Variants in SAMSN1 observed in about 807,000 individuals in gnomAD.
The protein encoded by SAMSN1 is SAM domain-containing protein SAMSN-1.
In SAMSN1, 31 loss-of-function variants were observed where a neutral mutation model predicts 42.0. The ratio of observed to expected loss-of-function variants is 0.74; its 90% CI spans 0.55 to 1.00. The LOEUF (loss-of-function observed/expected upper bound fraction) is 1.00. Ranked by LOEUF, SAMSN1 falls within the 50% of genes least tolerant of loss-of-function variation. The pLI, the probability that SAMSN1 is intolerant of heterozygous loss-of-function variation, is 0.00. For synonymous variants in SAMSN1, 178 were observed against 151.9 expected (o/e 1.17, Z -1.26); for missense variants, 464 against 439.4 (o/e 1.06, Z -0.50).
At chr21:14,539,751 T>A (rs370555585) in intron 1 of SAMSN1, among the ~76,000 whole-genome samples, 1 of 152,162 alleles carries the variant, frequency 6.6e-6, no homozygotes. Flanking sequence ...GCCATACCCA[T>A]CAAGCTACCA....
At chr21:14,565,339 A>G (rs1981083219) in intron 2 of SAMSN1, among the ~76,000 whole-genome samples, 1 of 151,664 alleles carries the variant, frequency 6.6e-6, no homozygotes, top group Non-Finnish European at 1.5e-5. Flanking sequence ...GAAGGCCTCC[A>G]AGACGCAGGG....
chr21:14,486,393 T>C (rs1412172199), intron 7 of SAMSN1, among the ~76,000 whole-genome samples: 2 of 152,174 alleles, frequency 1.3e-5, no homozygotes, highest in Admixed American at 1.3e-4. Flanking sequence ...CAAAGATCAA[T>C]ATGGACTCTC....
At chr21:14,556,242 G>A (rs551183237) in intron 2 of SAMSN1, among the ~76,000 whole-genome samples, 1 of 152,246 alleles carries the variant, frequency 6.6e-6, no homozygotes, top group East Asian at 1.9e-4. Context: ...TAAAGCTATA[G>A]GAGAGGGTAA....
chr21:14,632,290 A>G (rs1305295768), intron 2 of SAMSN1, among the ~76,000 whole-genome samples: 2 of 151,876 alleles, frequency 1.3e-5, no homozygotes, highest in Non-Finnish European at 2.9e-5. Flanking sequence ...TGAGTTCCCA[A>G]TAATTCTGGG....
intron 2 of SAMSN1, among the ~76,000 whole-genome samples, chr21:14,622,321 T>C (rs2123344895): frequency 6.6e-6 from 1 of 152,240 alleles, no homozygotes; most frequent in South Asian, 2.1e-4. Flanking sequence ...ATCAAACTTC[T>C]CCGAGCTAAA....
At chr21:14,491,905 T>C (rs1449436719) in intron 7 of SAMSN1, among the ~76,000 whole-genome samples, 1 of 152,230 alleles carries the variant, frequency 6.6e-6, no homozygotes, top group Non-Finnish European at 1.5e-5. Context: ...AAAATAGGAA[T>C]ACTGTGCATA....
chr21:14,513,786 G>A (rs1385631730), intron 3 of SAMSN1, among the ~76,000 whole-genome samples: 1 of 152,154 alleles, frequency 6.6e-6, no homozygotes, highest in Non-Finnish European at 1.5e-5. Context: ...CCAAGCAAAA[G>A]GAATAGCAAC....
chr21:14,487,974 A>G (rs1986510603), intron 7 of SAMSN1, among the ~76,000 whole-genome samples: 1 of 151,994 alleles, frequency 6.6e-6, no homozygotes, highest in East Asian at 1.9e-4. Context: ...TCTGAGTATC[A>G]GTCATTCACT....
intron 7 of SAMSN1, among the ~76,000 whole-genome samples, chr21:14,590,945 A>G (rs1390720140): frequency 6.6e-6 from 1 of 152,208 alleles, no homozygotes; most frequent in Non-Finnish European, 1.5e-5. Flanking sequence ...TGGGATTATG[A>G]ACTAGAATTG....
intron 5 of SAMSN1, among the ~76,000 whole-genome samples, chr21:14,607,628 TCTTC>T (rs1982599844): frequency 6.6e-6 from 1 of 152,222 alleles, no homozygotes. Context: ...AGCCTTTCTT[TCTTC>T]CTTCTCTGAC....
At chr21:14,627,952 T>C (rs1983227244) in intron 2 of SAMSN1, among the ~76,000 whole-genome samples, 1 of 152,128 alleles carries the variant, frequency 6.6e-6, no homozygotes, top group African/African-American at 2.4e-5. Flanking sequence ...GGAGCACCAT[T>C]TCTCCTTCCA....
At position 14,643,659 on chromosome 21, in the gene SAMSN1, C is replaced by A. The variant is rs529205641; in HGVS notation, c.25-526G>T. On this transcript the variant is annotated intron_variant, in intron 1 of 15. Transcript: ENST00000647101. ...ACTGATCGTTTCTCCACAATAAGGA[C>A]ACCAAGTTAACAACTATCTACACAG... Among the ~76,000 whole-genome samples the A allele has an allele frequency of 6.3e-4, 96 of 152,222 alleles. 2 individuals are homozygous for A. The highest frequency in any genetic ancestry group is 6.0e-3 in the South Asian group (29 of 4,826).
rs755094952 is a variant in SAMSN1, at chr21:14,516,888, T to G, written c.279+4A>C. 4 of 1,599,588 alleles carry G rather than the reference T, an allele frequency of 2.5e-6. No homozygotes were observed. In the South Asian group the frequency reaches 4.5e-5, roughly 18 times the overall value. On this transcript the variant is annotated splice_donor_region_variant and intron_variant, in intron 3 of 7. Transcript: ENST00000400566. Reference sequence around the variant, plus strand: ...AATACAAATGATTATCAGAGAATATTTACCTTTTCCTCAGAAAGGGCTTTG... The same window carrying G: ...AATACAAATGATTATCAGAGAATATGTACCTTTTCCTCAGAAAGGGCTTTG...
intron 4 of SAMSN1, among the ~76,000 whole-genome samples, chr21:14,610,219 A>G (rs1421940222): frequency 6.6e-6 from 1 of 152,192 alleles, no homozygotes; most frequent in Non-Finnish European, 1.5e-5. Flanking sequence ...AGTAAGGAAT[A>G]TTAATAATTA....
intron 1 of SAMSN1, 92 bp from the exon 2 acceptor site, chr21:14,521,313 C>T: frequency 1.3e-6 from 1 of 798,502 alleles, no homozygotes; most frequent in Non-Finnish European, 2.0e-6. Flanking sequence ...TTAATAAGCA[C>T]CGTCTCTTGC....
At chr21:14,554,990 C>T (rs545569433) in intron 2 of SAMSN1, among the ~76,000 whole-genome samples, 1 of 152,260 alleles carries the variant, frequency 6.6e-6, no homozygotes, top group African/African-American at 2.4e-5. Flanking sequence ...ATCACCACAC[C>T]TACCCCAAGG....
At chr21:14,573,633 G>A (rs1378309111) in intron 2 of SAMSN1, among the ~76,000 whole-genome samples, 3 of 152,258 alleles carry the variant, frequency 2.0e-5, no homozygotes, top group South Asian at 2.1e-4. Context: ...AAATTGCTTT[G>A]AAAAATTAGA....
At chr21:14,655,611 C>T (rs964200250) in intron 1 of SAMSN1, among the ~76,000 whole-genome samples, 6 of 151,552 alleles carry the variant, frequency 4.0e-5, no homozygotes, top group East Asian at 3.9e-4. Flanking sequence ...AGTTTACCCA[C>T]GTCAAAATCT....
At chr21:14,649,358 G>T (rs1001913420) in intron 1 of SAMSN1, among the ~76,000 whole-genome samples, 9 of 151,600 alleles carry the variant, frequency 5.9e-5, no homozygotes, top group Non-Finnish European at 1.2e-4. Flanking sequence ...CACCAGCATG[G>T]CACATGTATA....
Sources: gnomAD v4.1 joint callset for allele counts (sites outside exome capture counted in the v4.1 genomes callset) on GRCh38, gnomAD v4.1.1 for gene constraint, MANE v1.5 for transcripts, NCBI Gene and HGNC (gene_info 2026-07-23, HGNC 2026-07-21) for gene names.